Variants in CHD9 observed in about 807,000 individuals in gnomAD.
CHD9 encodes the protein ATP-dependent chromatin remodeler CHD9.
CHD9 carries 77 observed loss-of-function variants against 316.1 expected under a neutral mutation model. The ratio of observed to expected loss-of-function variants is 0.24; its 90% confidence interval spans 0.20 to 0.29. The LOEUF is 0.29. Ranked by LOEUF, CHD9 falls within the 10% of genes least tolerant of loss-of-function variation. The pLI is 1.00. For synonymous variants in CHD9, 1,129 were observed against 1,158.3 expected, an observed-to-expected ratio of 0.97 and a Z score of 0.51; for missense variants, 2,763 against 3,438.1, an observed-to-expected ratio of 0.80 and a Z score of 4.91.
intron 1 of CHD9, among the ~76,000 whole-genome samples, chr16:53,117,428 T>TA (rs1567341187): frequency 7.0e-4 from 100 of 143,652 alleles, no homozygotes; most frequent in African/African-American, 2.4e-3. Context: ...ATATATATAT[T>TA]TTTGGAAACA....
At chr16:53,241,037 A>G (rs911053742) in intron 12 of CHD9, among the ~76,000 whole-genome samples, 57 of 152,190 alleles carry the variant, frequency 3.7e-4, no homozygotes, top group African/African-American at 1.4e-3. Context: ...TAAATGCCAG[A>G]GATTTATAAT....
intron 1 of CHD9, among the ~76,000 whole-genome samples, chr16:53,154,535 G>C (rs1021903599): frequency 6.6e-5 from 10 of 152,174 alleles, no homozygotes; most frequent in Non-Finnish European, 1.2e-4. Flanking sequence ...GACCGGTTTC[G>C]TGGATGGGGT....
chr16:53,282,180 T>C (rs1208428399), intron 24 of CHD9, among the ~76,000 whole-genome samples: 2 of 152,188 alleles, frequency 1.3e-5, no homozygotes, highest in Non-Finnish European at 2.9e-5. Flanking sequence ...GATTTTAACA[T>C]GTTTACATCT....
chr16:53,099,476 T>C (rs1192940039), intron 1 of CHD9, among the ~76,000 whole-genome samples: 1 of 151,826 alleles, frequency 6.6e-6, no homozygotes, highest in African/African-American at 2.4e-5. Flanking sequence ...AGTTCTGAGC[T>C]GGGAGTGGTT....
intron 2 of CHD9, among the ~76,000 whole-genome samples, chr16:53,198,674 T>C (rs2045166231): frequency 6.6e-6 from 1 of 152,330 alleles, no homozygotes; most frequent in South Asian, 2.1e-4. Context: ...CAAAAAATAA[T>C]TTCTATTCCA....
Position 53,157,437 on chromosome 16 carries a change from G to C in CHD9, c.1348G>C (p.Asp450His). The C allele has an allele frequency of 1.9e-6, 3 of 1,613,976 alleles. No homozygotes were observed. Among genetic ancestry groups the C allele is most frequent in the Non-Finnish European group, 2.5e-6 (3 of 1,179,888 alleles). The change falls in exon 2 of 39, where the codon GAT becomes CAT. Residue 450 changes from aspartate (D) to histidine (H), a missense_variant. Asp to His is a moderately conservative substitution (Grantham distance 81). Transcript: ENST00000447540. ...TTCGCATCTGGTAACACGGCCTTCT[G>C]ATATGGCTCAGACTCAGTTGCAAAG... ...FTSHLVTRPS[D>H]MAQTQLQSQA...
chr16:53,176,660 A>G (rs1335524707), intron 2 of CHD9, among the ~76,000 whole-genome samples: 3 of 152,204 alleles, frequency 2.0e-5, no homozygotes, highest in Non-Finnish European at 4.4e-5. Context: ...TTTTCTGCTC[A>G]GTTTCTTCTC....
At chr16:53,095,829 G>A (rs1318196498) in intron 1 of CHD9, among the ~76,000 whole-genome samples, 4 of 152,144 alleles carry the variant, frequency 2.6e-5, no homozygotes, top group East Asian at 3.9e-4. Flanking sequence ...GGGAAACAAT[G>A]TGAATTTATC....
At position 53,087,947 on chromosome 16, in the gene CHD9, C is replaced by CA. The variant is rs61112383; in HGVS notation, c.-165+32885dup. ...TGGGCAACAGAGCAAGAGTCTGTCT[C>CA]AAAAAAAAAAAAAAATAGAAATCCA... On this transcript the variant is annotated intron_variant, in intron 1 of 38. Transcript: ENST00000447540. Among the ~76,000 whole-genome samples the CA allele has an allele frequency of 5.8e-3, 716 of 122,504 alleles. 4 individuals are homozygous for CA. The highest frequency in any genetic ancestry group is 0.025 in the East Asian group (103 of 4,066). 80.4% of individuals were successfully genotyped at this position (122,504 alleles called of 152,430 possible).
chr16:53,112,104 A>G (rs983734873), intron 1 of CHD9, among the ~76,000 whole-genome samples: 1 of 152,350 alleles, frequency 6.6e-6, no homozygotes, highest in Admixed American at 6.5e-5. Context: ...GATTTGAGAA[A>G]TCAGGCAACA....
In CHD9 at chr16:53,304,694, T is replaced by C. The variant is rs1319726050; in HGVS notation, c.6619+69T>C. The C allele has an allele frequency of 1.5e-3, 245 of 165,250 alleles. No individual in the cohort carries two copies. The East Asian group carries it at 0.017, about 12-fold the overall frequency. 10.2% of individuals were successfully genotyped at this position (165,250 alleles called of 1,614,324 possible). ...TTTTCTTTTCTTTTCTTTTCTTTTC[T>C]TTTTTTTTTTTTTTTTTGAGATGGA... On this transcript the variant is annotated intron_variant, in intron 31 of 38. Transcript: ENST00000447540.
At chr16:53,258,552 A>G (rs1381233366) in intron 19 of CHD9, among the ~76,000 whole-genome samples, 1 of 152,138 alleles carries the variant, frequency 6.6e-6, no homozygotes, top group Non-Finnish European at 1.5e-5. Flanking sequence ...AGTATTTTAC[A>G]CTTTTTCCTG....
chr16:53,168,072 A>T lies in CHD9; in HGVS notation c.1452+10531A>T, dbSNP rs189673260. Among the ~76,000 whole-genome samples the T allele has an allele frequency of 7.8e-3, 1,186 of 151,838 alleles. 11 individuals are homozygous for T. The highest frequency in any genetic ancestry group is 0.018 in the Admixed American group (276 of 15,202). On this transcript the variant is annotated intron_variant, in intron 2 of 38. Coordinates refer to ENST00000447540, the MANE Select transcript of CHD9 (RefSeq NM_001308319.2). ...GCTTTATTTATTTATTTATTTATTT[A>T]TTTTTTTGAGACGGAGTCTTGCTCC... is the stretch of plus-strand genomic sequence containing the variant.
chr16:53,146,419 G>GTATATATATATATATAAATATATATATA (rs2040612843), intron 1 of CHD9, among the ~76,000 whole-genome samples: 1 of 76,714 alleles, frequency 1.3e-5, no homozygotes, highest in Non-Finnish European at 2.4e-5. Flanking sequence ...GTGTGTGTAT[G>GTATATATATATATATAAATATATATATA]TATATATATA....
chr16:53,064,240 C>T (rs2033268328), intron 1 of CHD9, among the ~76,000 whole-genome samples: 1 of 152,202 alleles, frequency 6.6e-6, no homozygotes, highest in Non-Finnish European at 1.5e-5. Flanking sequence ...CTTCCCAGAT[C>T]TTCTGTGCTC....
chr16:53,055,464 A>C (rs2031952243), intron 1 of CHD9, among the ~76,000 whole-genome samples: 1 of 150,766 alleles, frequency 6.6e-6, no homozygotes, highest in Non-Finnish European at 1.5e-5. Context: ...GGAAGCATTA[A>C]AAAAATACCG....
chr16:53,239,608 C>T (rs2048920004), intron 12 of CHD9, among the ~76,000 whole-genome samples: 2 of 151,980 alleles, frequency 1.3e-5, no homozygotes, highest in South Asian at 4.1e-4. Flanking sequence ...TTTTCTTTCC[C>T]TCATTCTGTT....
At chr16:53,072,044 C>A (rs1218133082) in intron 1 of CHD9, among the ~76,000 whole-genome samples, 1 of 152,192 alleles carries the variant, frequency 6.6e-6, no homozygotes, top group Non-Finnish European at 1.5e-5. Flanking sequence ...GCACACCCAC[C>A]TCTGTATCCA....
intron 37 of CHD9, among the ~76,000 whole-genome samples, chr16:53,319,003 T>C (rs535016227): frequency 5.3e-5 from 8 of 152,360 alleles, no homozygotes; most frequent in African/African-American, 1.9e-4. Context: ...CCTTTGTGGC[T>C]TATCTTCTTT....
Sources: allele counts gnomAD v4.1 joint callset (sites outside exome capture counted in the v4.1 genomes callset), GRCh38; gene constraint gnomAD v4.1.1; transcripts MANE v1.5; gene names NCBI Gene and HGNC (gene_info 2026-07-23, HGNC 2026-07-21).